The following ATF3 variants were observed in gnomAD, a reference collection of about 807,000 sequenced individuals.
ATF3 encodes activating transcription factor 3.
In ATF3, 10 loss-of-function variants were observed where a neutral mutation model predicts 18.4. The observed-to-expected ratio is 0.54, with a 90% CI of 0.34 to 0.92. The LOEUF (loss-of-function observed/expected upper bound fraction) is 0.92, where lower values mean the gene tolerates loss of function less well. ATF3 is among the 40% of genes least tolerant of loss of function. The pLI is 0.02. For missense variants in ATF3, 183 were observed against 222.3 expected (o/e 0.82, Z 1.12); for synonymous variants, 78 against 87.9 (o/e 0.89, Z 0.63).
intron 1 of ATF3, among the ~76,000 whole-genome samples, chr1:212,610,753 C>A (rs1234422200): frequency 2.0e-5 from 3 of 152,184 alleles, no homozygotes; most frequent in Non-Finnish European, 2.9e-5. Flanking sequence ...GGACTCTTGA[C>A]CCCTTATCTA....
chr1:212,592,837 T>A (rs186753386), intron 1 of ATF3, among the ~76,000 whole-genome samples: 2 of 152,100 alleles, frequency 1.3e-5, no homozygotes. Context: ...GATACATCCA[T>A]TGATAACATG....
At chr1:212,613,515 T>G (rs939573246) in intron 1 of ATF3, 12 of 152,206 alleles carry the variant, frequency 7.9e-5, no homozygotes, top group Non-Finnish European at 1.3e-4. Flanking sequence ...ACCTCAATTA[T>G]CTCATCTATA....
chr1:212,590,285 C>A (rs1426275964), intron 1 of ATF3, among the ~76,000 whole-genome samples: 3 of 150,908 alleles, frequency 2.0e-5, no homozygotes, highest in Admixed American at 6.6e-5. Context: ...ATTTGAGACA[C>A]AATACCAATA....
intron 1 of ATF3, among the ~76,000 whole-genome samples, chr1:212,597,882 A>G (rs377109480): frequency 6.6e-6 from 1 of 152,202 alleles, no homozygotes; most frequent in East Asian, 1.9e-4. Context: ...CCTTAGAAAC[A>G]ATTTTATTCT....
chr1:212,599,087 C>T (rs556353000), intron 1 of ATF3, among the ~76,000 whole-genome samples: 3 of 152,240 alleles, frequency 2.0e-5, no homozygotes, highest in South Asian at 4.2e-4. Flanking sequence ...CAACAGTGTA[C>T]GAGGGTTAAC....
intron 2 of ATF3, among the ~76,000 whole-genome samples, chr1:212,617,085 G>A (rs1364652935): frequency 6.6e-6 from 1 of 152,148 alleles, no homozygotes; most frequent in Non-Finnish European, 1.5e-5. Flanking sequence ...GTCAGGATGA[G>A]GCCACCTTCT....
chr1:212,615,144 C>G lies in ATF3; in HGVS notation c.123C>G (p.Val41=), dbSNP rs1446388774. 4 of 1,614,096 alleles carry G rather than the reference C, an allele frequency of 2.5e-6. No individual in the cohort carries two copies. The African/African-American group carries it at 5.3e-5, about 22-fold the overall frequency. The part of the protein sequence containing the change: ...FEDFANLTPF[V]KEELRFAIQN... ...ATTTTGCTAACCTGACGCCCTTTGT[C>G]AAGGAAGAGCTGAGGTTTGCCATCC... The change falls in exon 2 of 4, where the codon GTC becomes GTG. Residue 41 remains valine (V), a synonymous_variant. Coordinates refer to ENST00000341491, the MANE Select transcript of ATF3 (RefSeq NM_001674.4).
At chr1:212,598,580 C>T (rs961426864) in intron 1 of ATF3, among the ~76,000 whole-genome samples, 2 of 152,166 alleles carry the variant, frequency 1.3e-5, no homozygotes, top group African/African-American at 4.8e-5. Context: ...TTTTTTGTAA[C>T]CCATTAACCA....
At chr1:212,615,383 A>C (rs1655076438) in intron 2 of ATF3, 122 bp downstream of exon 2, 1 of 1,269,450 alleles carries the variant, frequency 7.9e-7, no homozygotes, top group Non-Finnish European at 1.1e-6. Flanking sequence ...CACTGCCCTC[A>C]GGGAGCTTAC....
At chr1:212,590,232 G>T (rs572089878) in intron 1 of ATF3, among the ~76,000 whole-genome samples, 1 of 150,622 alleles carries the variant, frequency 6.6e-6, no homozygotes, top group African/African-American at 2.5e-5. Context: ...AATCTGTAAG[G>T]CACGTAAGTT....
chr1:212,594,251 A>C (rs1162876518), intron 1 of ATF3, among the ~76,000 whole-genome samples: 1 of 152,246 alleles, frequency 6.6e-6, no homozygotes, highest in Non-Finnish European at 1.5e-5. Context: ...CATTCCAGGT[A>C]GTCTACATGC....
intron 1 of ATF3, among the ~76,000 whole-genome samples, chr1:212,573,063 A>C (rs1456973230): frequency 6.6e-6 from 1 of 152,090 alleles, no homozygotes. Flanking sequence ...ATCATGTACA[A>C]GTAATTGCAA....
At chr1:212,589,580 G>A (rs541840643) in intron 1 of ATF3, among the ~76,000 whole-genome samples, 1 of 152,114 alleles carries the variant, frequency 6.6e-6, no homozygotes, top group East Asian at 1.9e-4. Flanking sequence ...CATTTGGGAG[G>A]CTGAGGCAGG....
chr1:212,584,999 C>T (rs1270854962), intron 1 of ATF3, among the ~76,000 whole-genome samples: 1 of 152,174 alleles, frequency 6.6e-6, no homozygotes, highest in African/African-American at 2.4e-5. Flanking sequence ...GCCCTGTGAT[C>T]ACCTTATGGT....
intron 1 of ATF3, among the ~76,000 whole-genome samples, chr1:212,597,296 G>A (rs925104393): frequency 6.6e-6 from 1 of 152,040 alleles, no homozygotes; most frequent in African/African-American, 2.4e-5. Flanking sequence ...CTTCATCATC[G>A]ACTGTAGACA....
chr1:212,574,243 C>T (rs1664532966), intron 1 of ATF3, among the ~76,000 whole-genome samples: 1 of 151,590 alleles, frequency 6.6e-6, no homozygotes, highest in Non-Finnish European at 1.5e-5. Context: ...TATTTCATAC[C>T]TTTTGATATA....
At chr1:212,583,220 TTCTC>T (rs765422735) in intron 1 of ATF3, among the ~76,000 whole-genome samples, 8 of 152,060 alleles carry the variant, frequency 5.3e-5, no homozygotes, top group African/African-American at 9.7e-5. Flanking sequence ...GTTACCTAAT[TTCTC>T]TCTCTGTTTT....
intron 1 of ATF3, among the ~76,000 whole-genome samples, chr1:212,588,357 C>A (rs544828154): frequency 6.6e-6 from 1 of 152,256 alleles, no homozygotes; most frequent in South Asian, 2.1e-4. Flanking sequence ...AGAGTGAAGA[C>A]AGGTTTGCTG....
chr1:212,602,700 AG>A (rs1654514664), intron 1 of ATF3, among the ~76,000 whole-genome samples: 1 of 152,210 alleles, frequency 6.6e-6, no homozygotes, highest in South Asian at 2.1e-4. Flanking sequence ...AATAATTAAA[AG>A]CATTAACTGT....
Sources: gnomAD v4.1 joint callset for allele counts (sites outside exome capture counted in the v4.1 genomes callset) on GRCh38, gnomAD v4.1.1 for gene constraint, MANE v1.5 for transcripts, NCBI Gene and HGNC (gene_info 2026-07-23, HGNC 2026-07-21) for gene names.